The following UNC5D variants were observed in gnomAD, a reference collection of about 807,000 sequenced individuals.
The protein encoded by UNC5D is unc-5 netrin receptor D, also known as netrin receptor UNC5D.
A neutral mutation model predicts 105.4 loss-of-function variants in UNC5D; 39 were observed. The observed-to-expected ratio is 0.37, with a 90% CI of 0.29 to 0.48. UNC5D has a LOEUF of 0.48. UNC5D is among the 20% of genes least tolerant of loss of function. The pLI is 0.98. For missense variants in UNC5D, 991 were observed against 1,202.4 expected, an observed-to-expected ratio of 0.82 and a Z score of 2.60; for synonymous variants, 452 against 450.4, an observed-to-expected ratio of 1.00 and a Z score of -0.04.
chr8:35,343,521 T>C (rs1373974473), intron 1 of UNC5D, among the ~76,000 whole-genome samples: 1 of 152,162 alleles, frequency 6.6e-6, no homozygotes, highest in African/African-American at 2.4e-5. Flanking sequence ...AGTTTTTTTC[T>C]TGATGTTTTG....
At chr8:35,351,065 TGA>T (rs748305186) in intron 1 of UNC5D, among the ~76,000 whole-genome samples, 1 of 152,006 alleles carries the variant, frequency 6.6e-6, no homozygotes, top group African/African-American at 2.4e-5. Context: ...TGTGTGTGTG[TGA>T]GAGAGAGTTG....
chr8:35,643,555 T>A (rs1040733789), intron 4 of UNC5D, among the ~76,000 whole-genome samples: 3 of 152,130 alleles, frequency 2.0e-5, no homozygotes, highest in African/African-American at 7.2e-5. Context: ...TTATATTGTA[T>A]TTTTAGCAGA....
chr8:35,323,325 C>T (rs1809897916), intron 1 of UNC5D, among the ~76,000 whole-genome samples: 1 of 151,332 alleles, frequency 6.6e-6, no homozygotes, highest in Non-Finnish European at 1.5e-5. Context: ...GAGTGGCTAC[C>T]TAATTGGTGT....
intron 1 of UNC5D, among the ~76,000 whole-genome samples, chr8:35,355,142 G>T (rs892309017): frequency 3.3e-5 from 5 of 152,128 alleles, no homozygotes; most frequent in Non-Finnish European, 7.4e-5. Context: ...GCAGGGCACA[G>T]ACTTTACCTC....
Position 35,793,136 on chromosome 8 carries a change from G to A in UNC5D, c.*2573G>A, listed in dbSNP as rs188879073. The A allele has an allele frequency of 8.8e-6, 4 of 455,356 alleles. No homozygotes were observed. Among genetic ancestry groups the A allele is most frequent in the African/African-American group, 4.0e-5 (2 of 49,974 alleles). 28.2% of individuals were successfully genotyped at this position (455,356 alleles called of 1,614,324 possible). A position where few individuals can be genotyped will look rare whatever the true frequency, so the allele number is the denominator to read the frequency against. On this transcript the variant is annotated 3_prime_UTR_variant, in exon 17 of 17. Coordinates refer to ENST00000404895, the MANE Select transcript of UNC5D (RefSeq NM_080872.4). ...CTTTATGTTTCTTTTACTTATTGCT[G>A]CTAGGATCCTACATAGGATTTCTAT...
At chr8:35,521,285 T>C (rs577152618) in intron 1 of UNC5D, among the ~76,000 whole-genome samples, 1 of 152,240 alleles carries the variant, frequency 6.6e-6, no homozygotes, top group South Asian at 2.1e-4. Context: ...GTGGGCATAT[T>C]ACTTTTATGA....
intron 1 of UNC5D, among the ~76,000 whole-genome samples, chr8:35,249,908 T>G (rs917051921): frequency 6.6e-6 from 1 of 152,116 alleles, no homozygotes; most frequent in South Asian, 2.1e-4. Context: ...ACAAATCCCT[T>G]GTCTTCACTG....
chr8:35,345,439 C>T (rs778362265), intron 1 of UNC5D, among the ~76,000 whole-genome samples: 17 of 151,912 alleles, frequency 1.1e-4, no homozygotes, highest in Admixed American at 3.3e-4. Flanking sequence ...TGGGGCATTT[C>T]TAGAAATAAA....
At chr8:35,242,967 C>T (rs1308817033) in intron 1 of UNC5D, among the ~76,000 whole-genome samples, 1 of 152,080 alleles carries the variant, frequency 6.6e-6, no homozygotes, top group African/African-American at 2.4e-5. Context: ...GTCAAATGAT[C>T]ATGGGTTATG....
intron 1 of UNC5D, among the ~76,000 whole-genome samples, chr8:35,515,521 C>CT (rs1237665370): frequency 6.6e-6 from 1 of 152,054 alleles, no homozygotes; most frequent in Non-Finnish European, 1.5e-5. Flanking sequence ...CTCGTCTCTA[C>CT]TAAAAATACA....
At chr8:35,332,238 G>C (rs541809915) in intron 1 of UNC5D, among the ~76,000 whole-genome samples, 107 of 152,300 alleles carry the variant, frequency 7.0e-4, no homozygotes, top group African/African-American at 2.5e-3. Context: ...TATAGGTTGA[G>C]CTTTCAATGT....
At chr8:35,459,887 T>C (rs531162200) in intron 1 of UNC5D, among the ~76,000 whole-genome samples, 87 of 152,336 alleles carry the variant, frequency 5.7e-4, no homozygotes, top group Admixed American at 1.8e-3. Context: ...AACATTTGCA[T>C]GAACATGGCT....
intron 4 of UNC5D, among the ~76,000 whole-genome samples, chr8:35,606,162 A>T (rs1346189616): frequency 6.6e-6 from 1 of 151,552 alleles, no homozygotes; most frequent in Non-Finnish European, 1.5e-5. Context: ...TAATTTTTGT[A>T]TTTTTAGTAG....
intron 16 of UNC5D, among the ~76,000 whole-genome samples, chr8:35,780,417 T>C (rs1324777580): frequency 6.6e-6 from 1 of 152,160 alleles, no homozygotes; most frequent in African/African-American, 2.4e-5. Context: ...GTCCATCCTA[T>C]TAATTGGATG....
intron 1 of UNC5D, among the ~76,000 whole-genome samples, chr8:35,536,537 A>G (rs567823728): frequency 2.6e-5 from 4 of 152,272 alleles, no homozygotes; most frequent in Non-Finnish European, 5.9e-5. Flanking sequence ...TTTTTTAAAG[A>G]TGTATGTTCT....
At chr8:35,558,423 G>A (rs966764952) in intron 2 of UNC5D, among the ~76,000 whole-genome samples, 1 of 151,928 alleles carries the variant, frequency 6.6e-6, no homozygotes, top group Non-Finnish European at 1.5e-5. Context: ...AAAATAAAGG[G>A]CCATGCAAAT....
At chr8:35,317,964 T>A (rs1044753557) in intron 1 of UNC5D, among the ~76,000 whole-genome samples, 3 of 151,612 alleles carry the variant, frequency 2.0e-5, no homozygotes, top group African/African-American at 7.3e-5. Flanking sequence ...TTTTCTTTAG[T>A]TCTGACTGTC....
intron 4 of UNC5D, among the ~76,000 whole-genome samples, chr8:35,657,580 G>A (rs1031204094): frequency 2.0e-5 from 3 of 152,136 alleles, no homozygotes; most frequent in Admixed American, 1.3e-4. Flanking sequence ...GGACTCCTGG[G>A]CTCAAATGAT....
At chr8:35,770,816 A>T (rs1312104738) in intron 15 of UNC5D, among the ~76,000 whole-genome samples, 2 of 152,138 alleles carry the variant, frequency 1.3e-5, no homozygotes, top group Non-Finnish European at 2.9e-5. Flanking sequence ...AAAGTGTTGG[A>T]AGTTGGGGGA....
Sources: gnomAD v4.1 joint callset for allele counts (sites outside exome capture counted in the v4.1 genomes callset) on GRCh38, gnomAD v4.1.1 for gene constraint, MANE v1.5 for transcripts, NCBI Gene and HGNC (gene_info 2026-07-23, HGNC 2026-07-21) for gene names.